The following SCUBE1 variants were observed in gnomAD, a reference collection of about 807,000 sequenced individuals.
SCUBE1 encodes the protein signal peptide, CUB and EGF-like domain-containing protein 1.
In SCUBE1, 59 loss-of-function variants were observed where a neutral mutation model predicts 124.4. That is an observed-to-expected ratio of 0.47 (90% CI 0.38 to 0.59). The LOEUF (loss-of-function observed/expected upper bound fraction) is 0.59, where lower values mean the gene tolerates loss of function less well. Ranked by LOEUF, SCUBE1 falls within the 20% of genes least tolerant of loss-of-function variation. The probability of loss-of-function intolerance (pLI) is 0.00; values close to 1 mark genes in which losing one functional copy is unlikely to be tolerated. For missense variants in SCUBE1, 1,150 were observed against 1,371.2 expected (o/e 0.84, Z 2.55); for synonymous variants, 545 against 550.9 (o/e 0.99, Z 0.15).
intron 15 of SCUBE1, among the ~76,000 whole-genome samples, chr22:43,214,454 G>GC (rs1260910482): frequency 6.6e-6 from 1 of 152,210 alleles, no homozygotes; most frequent in Non-Finnish European, 1.5e-5. Context: ...ATGAAGCCTG[G>GC]CCCCTCTGGC....
intron 2 of SCUBE1, among the ~76,000 whole-genome samples, chr22:43,324,490 A>G (rs994831632): frequency 6.6e-6 from 1 of 152,206 alleles, no homozygotes; most frequent in Non-Finnish European, 1.5e-5. Flanking sequence ...GATGGAGGAC[A>G]TTGGCTCCTA....
chr22:43,315,689 T>C (rs528669700), intron 3 of SCUBE1, among the ~76,000 whole-genome samples: 56 of 126,972 alleles, frequency 4.4e-4, no homozygotes, highest in Admixed American at 1.4e-3. Context: ...AGCCTTTTCT[T>C]GGCTGCTGTG....
chr22:43,287,275 A>G (rs1467303311), intron 4 of SCUBE1, among the ~76,000 whole-genome samples: 1 of 152,248 alleles, frequency 6.6e-6, no homozygotes, highest in Non-Finnish European at 1.5e-5. Flanking sequence ...TGTGTTCTAA[A>G]GACCTGAAGA....
At chr22:43,249,902 C>T (rs1484171300) in intron 6 of SCUBE1, among the ~76,000 whole-genome samples, 1 of 152,222 alleles carries the variant, frequency 6.6e-6, no homozygotes, top group African/African-American at 2.4e-5. Context: ...CTCCACCTGG[C>T]CCTGCCTGCT....
At chr22:43,339,650 C>A (rs1210475696) in intron 1 of SCUBE1, among the ~76,000 whole-genome samples, 23 of 85,032 alleles carry the variant, frequency 2.7e-4, no homozygotes, top group African/African-American at 5.8e-4. Flanking sequence ...CCACAAGCAT[C>A]ACTCCAGCCC....
intron 4 of SCUBE1, among the ~76,000 whole-genome samples, chr22:43,276,924 A>G (rs1170614368): frequency 6.6e-6 from 1 of 152,176 alleles, no homozygotes. Context: ...ACCTCGCCTC[A>G]GCTTTTCCTG....
rs1409492227 is a variant in SCUBE1 at position 43,198,808 on chromosome 22, C to G, written c.*5189G>C. On this transcript the variant is annotated 3_prime_UTR_variant, in exon 22 of 22. Coordinates refer to ENST00000360835, the MANE Select transcript of SCUBE1 (RefSeq NM_173050.5). ...GAGCAGGCTGTCCAGGGCAGCTTGTCTGCTGTCTGGGGCAGGGTGTCTGTC... is the reference window on the plus strand; with the variant it reads ...GAGCAGGCTGTCCAGGGCAGCTTGTGTGCTGTCTGGGGCAGGGTGTCTGTC... 1 of 432,376 alleles carries G rather than the reference C, an allele frequency of 2.3e-6. No individual in the cohort carries two copies. Among genetic ancestry groups the G allele is most frequent in the Non-Finnish European group, 4.7e-6 (1 of 213,278 alleles). The allele number at this position is 432,376 out of a possible 1,614,324, so 26.8% of individuals were successfully genotyped here. A position where few individuals can be genotyped will look rare whatever the true frequency, so the allele number is the denominator to read the frequency against.
chr22:43,232,017 C>T lies in SCUBE1; in HGVS notation c.845-142G>A, dbSNP rs553912646. ...ACTTCCCAAGCTGGCTGCTGGCTCC[C>T]CAGCTGTGCAGAGGGGTGGGGGCCC... On this transcript the variant is annotated intron_variant, in intron 7 of 21. Coordinates refer to ENST00000360835, the MANE Select transcript of SCUBE1 (RefSeq NM_173050.5). The T allele has an allele frequency of 5.2e-5, 51 of 979,184 alleles. No homozygotes were observed. The Middle Eastern group carries it at 1.0e-3, about 19-fold the overall frequency. The allele number at this position is 979,184 out of a possible 1,614,324, so 60.7% of individuals were successfully genotyped here. A position where few individuals can be genotyped will look rare whatever the true frequency, so the allele number is the denominator to read the frequency against.
At chr22:43,303,591 C>T (rs1925855552) in intron 3 of SCUBE1, among the ~76,000 whole-genome samples, 1 of 152,248 alleles carries the variant, frequency 6.6e-6, no homozygotes, top group Non-Finnish European at 1.5e-5. Context: ...GAAAAGGGGG[C>T]ACTCGCTTGG....
chr22:43,300,160 C>A (rs1024751141), intron 3 of SCUBE1, among the ~76,000 whole-genome samples: 3 of 152,178 alleles, frequency 2.0e-5, no homozygotes, highest in African/African-American at 7.2e-5. Context: ...ACTGTCACAT[C>A]ATCTGGTAAC....
rs1923761849 is a variant in SCUBE1 at position 43,258,750 on chromosome 22, G to T, written c.611-415C>A. 2.0e-5 allele frequency among the ~76,000 whole-genome samples: 3 copies of T among 152,186 alleles called. No individual in the cohort carries two copies. The highest frequency in any genetic ancestry group is 1.3e-4 in the Admixed American group (2 of 15,288). ...AAGCTGTCGGGGGAGGGACATGGCG[G>T]CCCGTGGTTCCAGGTGACCCTCATT... On this transcript the variant is annotated intron_variant, in intron 5 of 21. Transcript: ENST00000360835. This position sits in a 1 kb window ranked among gnomAD's most constrained non-coding sequence, Gnocchi z 5.0.
chr22:43,292,972 A>G (rs1925422820), intron 3 of SCUBE1, among the ~76,000 whole-genome samples: 1 of 152,202 alleles, frequency 6.6e-6, no homozygotes, highest in Non-Finnish European at 1.5e-5. Flanking sequence ...CTGACTGGGG[A>G]AGCCTGGGGA....
chr22:43,313,771 G>A (rs1051478787), intron 3 of SCUBE1, among the ~76,000 whole-genome samples: 6 of 152,184 alleles, frequency 3.9e-5, no homozygotes, highest in African/African-American at 1.4e-4. Flanking sequence ...TCACAGGCAG[G>A]CCATCTCCAC....
chr22:43,321,099 C>G (rs766894557), intron 2 of SCUBE1, among the ~76,000 whole-genome samples: 8 of 152,196 alleles, frequency 5.3e-5, no homozygotes, highest in Non-Finnish European at 1.2e-4. Context: ...CACAGGGGAA[C>G]TGGAACCGGA....
intron 3 of SCUBE1, among the ~76,000 whole-genome samples, chr22:43,302,176 G>C (rs1379104493): frequency 6.6e-6 from 1 of 152,224 alleles, no homozygotes; most frequent in African/African-American, 2.4e-5. Flanking sequence ...TCGCGATGGG[G>C]AACCAGGTAC....
intron 1 of SCUBE1, among the ~76,000 whole-genome samples, chr22:43,340,535 G>A (rs974794283): frequency 6.9e-6 from 1 of 144,902 alleles, no homozygotes; most frequent in Admixed American, 6.9e-5. Context: ...CACACACAGA[G>A]TTCAGGCAGG....
At chr22:43,262,467 T>G (rs1923907655) in intron 5 of SCUBE1, among the ~76,000 whole-genome samples, 1 of 152,188 alleles carries the variant, frequency 6.6e-6, no homozygotes, top group Non-Finnish European at 1.5e-5. Context: ...GCTCAGGGGC[T>G]GCCATAAGAT....
At chr22:43,219,684 G>A (rs1239499879) in intron 14 of SCUBE1, among the ~76,000 whole-genome samples, 1 of 152,112 alleles carries the variant, frequency 6.6e-6, no homozygotes, top group Non-Finnish European at 1.5e-5. Flanking sequence ...ATGTTGGCCA[G>A]GCTGGTCTTG....
At chr22:43,339,306 C>T (rs1244094271) in intron 1 of SCUBE1, 71 bp from the exon 2 acceptor site, 1 of 1,490,640 alleles carries the variant, frequency 6.7e-7, no homozygotes, top group Non-Finnish European at 9.2e-7. Context: ...TAGTGTAGGG[C>T]AGGGGGAGCT....
Sources: gnomAD v4.1 joint callset for allele counts (sites outside exome capture counted in the v4.1 genomes callset) on GRCh38, gnomAD v4.1.1 for gene constraint, Gnocchi (gnomAD v3.1) non-coding constraint, MANE v1.5 for transcripts, NCBI Gene and HGNC (gene_info 2026-07-23, HGNC 2026-07-21) for gene names.